Variants in CRB1 observed in about 807,000 individuals in gnomAD.
The protein encoded by CRB1 is protein crumbs homolog 1.
CRB1 carries 83 observed loss-of-function variants against 120.0 expected under a neutral mutation model. The observed-to-expected ratio is 0.69, with a 90% CI of 0.58 to 0.83. The LOEUF is 0.83. Among genes scored for constraint, CRB1 ranks in the 40% least tolerant of loss-of-function variants. The probability of loss-of-function intolerance (pLI) is 0.00; values close to 1 mark genes in which losing one functional copy is unlikely to be tolerated. For synonymous variants in CRB1, 625 were observed against 612.5 expected (o/e 1.02, Z -0.30); for missense variants, 1,699 against 1,687.6 (o/e 1.01, Z -0.12).
intron 11 of CRB1, among the ~76,000 whole-genome samples, chr1:197,453,520 G>A (rs903666020): frequency 3.7e-5 from 3 of 80,756 alleles, no homozygotes; most frequent in African/African-American, 1.0e-4. Context: ...ATATGTGTGT[G>A]TGTGTATATA....
chr1:197,234,924 A>G, the CRB1 span, among the ~76,000 whole-genome samples: 12 of 152,352 alleles, frequency 7.9e-5, no homozygotes, highest in East Asian at 2.3e-3. Flanking sequence ...CTTAGAATTC[A>G]GTTATGTCAG....
chr1:197,426,497 T>C (rs966257302), intron 6 of CRB1, among the ~76,000 whole-genome samples: 8 of 152,168 alleles, frequency 5.3e-5, no homozygotes, highest in Non-Finnish European at 8.8e-5. Flanking sequence ...AACTAGAATG[T>C]AAGCTTGATG....
At chr1:197,446,464 G>A (rs758760471) in intron 11 of CRB1, among the ~76,000 whole-genome samples, 1 of 152,106 alleles carries the variant, frequency 6.6e-6, no homozygotes, top group African/African-American at 2.4e-5. Context: ...CTGAAAGATG[G>A]GGCTGTCGAA....
chr1:197,284,046 A>G (rs1337280267), intron 1 of CRB1, among the ~76,000 whole-genome samples: 2 of 151,924 alleles, frequency 1.3e-5, no homozygotes. Flanking sequence ...CTTAAATTCT[A>G]TGTTTTCTCA....
chr1:197,245,903 T>G, the CRB1 span, among the ~76,000 whole-genome samples: 14 of 152,170 alleles, frequency 9.2e-5, no homozygotes, highest in South Asian at 2.1e-4. Flanking sequence ...AATGCCTTAT[T>G]ATTGCTCCCA....
intron 5 of CRB1, among the ~76,000 whole-genome samples, chr1:197,412,979 T>C (rs1177111753): frequency 6.6e-6 from 1 of 152,150 alleles, no homozygotes; most frequent in Non-Finnish European, 1.5e-5. Context: ...CTAATGACTA[T>C]TTCATGATAC....
At chr1:197,372,169 C>A (rs115963783) in intron 5 of CRB1, among the ~76,000 whole-genome samples, 1 of 152,210 alleles carries the variant, frequency 6.6e-6, no homozygotes, top group Non-Finnish European at 1.5e-5. Context: ...AAGATGAAGT[C>A]AACCTGTAGT....
intron 3 of CRB1, among the ~76,000 whole-genome samples, chr1:197,344,874 T>C (rs1036285631): frequency 6.6e-6 from 1 of 152,214 alleles, no homozygotes; most frequent in Non-Finnish European, 1.5e-5. Context: ...AAGTGTTATA[T>C]AAACCATGTT....
chr1:197,227,295 A>C, the CRB1 span, among the ~76,000 whole-genome samples: 1 of 152,252 alleles, frequency 6.6e-6, no homozygotes, highest in Admixed American at 6.5e-5. Flanking sequence ...GTGTAAGTAC[A>C]GCCATTCCAA....
At chr1:197,434,351 A>T (rs1325568181) in intron 8 of CRB1, among the ~76,000 whole-genome samples, 1 of 152,172 alleles carries the variant, frequency 6.6e-6, no homozygotes, top group Non-Finnish European at 1.5e-5. Context: ...GCAAAATAAA[A>T]ATTGGCATGC....
chr1:197,302,125 T>G (rs1350889217), intron 1 of CRB1, among the ~76,000 whole-genome samples: 4 of 152,172 alleles, frequency 2.6e-5, no homozygotes, highest in African/African-American at 9.7e-5. Flanking sequence ...CAAATTTTAT[T>G]ATTGTTTTGT....
chr1:197,258,526 A>G, the CRB1 span, among the ~76,000 whole-genome samples: 5 of 152,032 alleles, frequency 3.3e-5, no homozygotes, highest in African/African-American at 1.2e-4. Flanking sequence ...CTGACAAATC[A>G]AATTGGTCCT....
the CRB1 span, among the ~76,000 whole-genome samples, chr1:197,232,405 C>G: frequency 6.6e-6 from 1 of 151,908 alleles, no homozygotes; most frequent in South Asian, 2.1e-4. Flanking sequence ...TAATGCTTAA[C>G]AGTAAGGAGT....
intron 11 of CRB1, among the ~76,000 whole-genome samples, chr1:197,453,848 A>G (rs1666119636): frequency 7.0e-6 from 1 of 142,586 alleles, no homozygotes; most frequent in Non-Finnish European, 1.5e-5. Flanking sequence ...TATCAATATT[A>G]TTATTAATAT....
At chr1:197,373,918 CT>C (rs1661507450) in intron 5 of CRB1, among the ~76,000 whole-genome samples, 1 of 152,128 alleles carries the variant, frequency 6.6e-6, no homozygotes, top group Non-Finnish European at 1.5e-5. Context: ...GCAAAATAAT[CT>C]AAAAATATGT....
intron 10 of CRB1, 124 bp from the exon 11 acceptor site, chr1:197,442,042 G>C: frequency 9.4e-7 from 1 of 1,066,710 alleles, no homozygotes; most frequent in Non-Finnish European, 1.4e-6. Flanking sequence ...TATGTATAAA[G>C]TATGTGTGGA....
intron 5 of CRB1, among the ~76,000 whole-genome samples, chr1:197,395,566 T>C (rs1300471131): frequency 6.6e-6 from 1 of 152,134 alleles, no homozygotes; most frequent in Non-Finnish European, 1.5e-5. Context: ...CCTCTCCCTA[T>C]AATTTTTAGT....
chr1:197,326,338 G>A (rs1454594394), intron 1 of CRB1, among the ~76,000 whole-genome samples: 1 of 152,088 alleles, frequency 6.6e-6, no homozygotes, highest in African/African-American at 2.4e-5. Context: ...ATTTATAGAG[G>A]CCGGGGACTG....
intron 11 of CRB1, among the ~76,000 whole-genome samples, chr1:197,449,788 T>C (rs1665870067): frequency 6.6e-6 from 1 of 152,222 alleles, no homozygotes; most frequent in Non-Finnish European, 1.5e-5. Context: ...TGTCTTTAGC[T>C]GGGTGACTTG....
Sources: allele counts gnomAD v4.1 joint callset (sites outside exome capture counted in the v4.1 genomes callset), GRCh38; gene constraint gnomAD v4.1.1; transcripts MANE v1.5; gene names NCBI Gene and HGNC (gene_info 2026-07-23, HGNC 2026-07-21).